CNTN4: variants seen among roughly 807,000 people sequenced by gnomAD.
The protein encoded by CNTN4 is contactin 4, also known as contactin-4.
CNTN4 carries 77 observed loss-of-function variants against 122.5 expected under a neutral mutation model. The observed-to-expected ratio is 0.63, with a 90% CI of 0.52 to 0.76. CNTN4 has a LOEUF of 0.76. Among genes scored for constraint, CNTN4 ranks in the 30% least tolerant of loss-of-function variants. CNTN4 has a pLI of 0.00. For synonymous variants in CNTN4, 512 were observed against 447.0 expected (o/e 1.15, Z -1.83); for missense variants, 1,256 against 1,259.1 (o/e 1.00, Z 0.04).
At chr3:2,674,077 C>T (rs2084692521) in intron 4 of CNTN4, among the ~76,000 whole-genome samples, 1 of 152,268 alleles carries the variant, frequency 6.6e-6, no homozygotes, top group African/African-American at 2.4e-5. Context: ...TAAGTGAGCC[C>T]AGATGAAAGA....
intron 2 of CNTN4, among the ~76,000 whole-genome samples, chr3:2,175,432 T>C (rs1008919915): frequency 6.6e-6 from 1 of 152,238 alleles, no homozygotes; most frequent in Non-Finnish European, 1.5e-5. Context: ...AGCACTTTGG[T>C]CCATTGTTAT....
chr3:2,818,424 A>G lies in CNTN4; in HGVS notation c.359-1062A>G, dbSNP rs1239236524. ...TAAAATACTTACCAAAATGGCCAGCATGGAGGAAATCATCCACAAATGTTA... is the reference window on the plus strand; with the variant it reads ...TAAAATACTTACCAAAATGGCCAGCGTGGAGGAAATCATCCACAAATGTTA... On this transcript the variant is annotated intron_variant, in intron 6 of 24. Transcript: ENST00000418658. Among the ~76,000 whole-genome samples the G allele has an allele frequency of 3.9e-5, 6 of 152,354 alleles. No individual in the cohort carries two copies. In the East Asian group the frequency reaches 9.6e-4, roughly 24 times the overall value.
chr3:2,227,711 A>G (rs939500899), intron 2 of CNTN4, among the ~76,000 whole-genome samples: 3 of 152,152 alleles, frequency 2.0e-5, no homozygotes, highest in Non-Finnish European at 4.4e-5. Context: ...AATTAACATT[A>G]TGTAACTGTA....
intron 2 of CNTN4, among the ~76,000 whole-genome samples, chr3:2,281,096 C>T (rs13066356): frequency 0.51 from 77,605 of 152,014 alleles, 20,259 homozygotes; most frequent in South Asian, 0.65. Context: ...CACAAGTCAT[C>T]CCTGGTCACA....
At chr3:2,129,878 A>C (rs1229391344) in intron 2 of CNTN4, among the ~76,000 whole-genome samples, 1 of 152,008 alleles carries the variant, frequency 6.6e-6, no homozygotes, top group Admixed American at 6.6e-5. Flanking sequence ...TGGCTTTGTT[A>C]ATGAATATTG....
intron 13 of CNTN4, among the ~76,000 whole-genome samples, chr3:2,949,720 T>C (rs344403): frequency 0.86 from 131,257 of 152,210 alleles, 57,077 homozygotes; most frequent in African/African-American, 0.97. Context: ...TGCTTTTTCT[T>C]CAGTTTGTGA....
At chr3:2,927,257 T>G (rs1332441958) in intron 13 of CNTN4, 3 of 453,948 alleles carry the variant, frequency 6.6e-6, no homozygotes, top group Non-Finnish European at 1.3e-5. Flanking sequence ...CCCTGAGTTC[T>G]GGCTTATAAC....
rs756869060 is a variant in CNTN4, at chr3:2,571,403, T to C, written c.-88-13T>C. The C allele has an allele frequency of 1.5e-5, 13 of 840,070 alleles. No individual in the cohort carries two copies. The highest frequency in any genetic ancestry group is 2.1e-5 in the Non-Finnish European group (10 of 482,882). The allele number at this position is 840,070 out of a possible 1,614,324, so 52.0% of individuals were successfully genotyped here. Reference sequence around the variant, plus strand: ...TTCCCAAATCTCATTGTAATGTCTCTTCTTTCCCACAGATTAAAGGTTATA... The same window carrying C: ...TTCCCAAATCTCATTGTAATGTCTCCTCTTTCCCACAGATTAAAGGTTATA... On this transcript the variant is annotated splice_polypyrimidine_tract_variant and intron_variant, in intron 3 of 24. Coordinates refer to ENST00000418658, the MANE Select transcript of CNTN4 (RefSeq NM_175607.3).
At position 2,229,102 on chromosome 3, in the gene CNTN4, T is replaced by C. The variant is rs192942062; in HGVS notation, c.-144-110076T>C. Among the ~76,000 whole-genome samples the C allele has an allele frequency of 9.1e-4, 138 of 152,320 alleles. 1 individual carries two copies. Among genetic ancestry groups the C allele is most frequent in the Non-Finnish European group, 2.8e-4 (19 of 68,002 alleles). ...TTTCTCTGGAATTCCTTGCCATTCA[T>C]TCATTTATTGTAGAAAAAATAAGTT... On this transcript the variant is annotated intron_variant, in intron 2 of 24. Transcript: ENST00000418658.
chr3:2,784,293 C>A (rs1286972060), intron 6 of CNTN4, among the ~76,000 whole-genome samples: 1 of 152,192 alleles, frequency 6.6e-6, no homozygotes, highest in African/African-American at 2.4e-5. Flanking sequence ...ACCGCCTATA[C>A]TGTTTTGAAA....
intron 3 of CNTN4, among the ~76,000 whole-genome samples, chr3:2,370,874 C>G (rs1316430661): frequency 6.6e-6 from 1 of 152,186 alleles, no homozygotes; most frequent in Non-Finnish European, 1.5e-5. Flanking sequence ...ATTAGGCATG[C>G]AGTTTTTAAG....
At chr3:2,396,500 T>G (rs62245707) in intron 3 of CNTN4, among the ~76,000 whole-genome samples, 2 of 151,980 alleles carry the variant, frequency 1.3e-5, no homozygotes, top group Admixed American at 1.3e-4. Flanking sequence ...CTCCCACATT[T>G]TGTACTTTGC....
intron 3 of CNTN4, among the ~76,000 whole-genome samples, chr3:2,398,960 A>G (rs2150949885): frequency 6.6e-6 from 1 of 152,258 alleles, no homozygotes; most frequent in South Asian, 2.1e-4. Flanking sequence ...TTAAGTTTTA[A>G]ATTGGCCAAA....
At chr3:2,870,234 A>G (rs1389283781) in intron 8 of CNTN4, among the ~76,000 whole-genome samples, 3 of 152,196 alleles carry the variant, frequency 2.0e-5, no homozygotes, top group Non-Finnish European at 4.4e-5. Flanking sequence ...TTTGTCTGGT[A>G]TATCTTCATA....
chr3:2,525,660 C>G (rs531318906), intron 3 of CNTN4, among the ~76,000 whole-genome samples: 1 of 152,158 alleles, frequency 6.6e-6, no homozygotes, highest in African/African-American at 2.4e-5. Flanking sequence ...TTAACAGATG[C>G]CAAGATTTTC....
intron 4 of CNTN4, among the ~76,000 whole-genome samples, chr3:2,586,550 C>G (rs2080213773): frequency 6.6e-6 from 1 of 152,156 alleles, no homozygotes; most frequent in East Asian, 1.9e-4. Context: ...CTCAGCCTCC[C>G]AAAGTGCTGG....
rs145307748 is a variant in CNTN4 at position 2,933,812 on chromosome 3, A to T, written c.1358+8033A>T. On this transcript the variant is annotated intron_variant, in intron 13 of 24. Transcript: ENST00000418658. ...TTCTGGAATAGAGACAGAGATACAG[A>T]CATCAGTAGATAAGAAGCCATGGAG... Among the ~76,000 whole-genome samples the T allele has an allele frequency of 4.8e-3, 734 of 152,292 alleles. 8 individuals are homozygous for T. The highest frequency in any genetic ancestry group is 0.016 in the African/African-American group (685 of 41,562).
chr3:2,959,415 G>T (rs189152042), intron 13 of CNTN4, among the ~76,000 whole-genome samples: 40 of 152,106 alleles, frequency 2.6e-4, no homozygotes, highest in African/African-American at 9.4e-4. Context: ...AGACCATAAA[G>T]TCTTTAAGTC....
intron 6 of CNTN4, among the ~76,000 whole-genome samples, chr3:2,776,283 T>C (rs1337496749): frequency 6.9e-6 from 1 of 144,582 alleles, no homozygotes. Flanking sequence ...TCTTTTTTTT[T>C]TTTTTTTTTT....
Sources: gnomAD v4.1 joint callset for allele counts (sites outside exome capture counted in the v4.1 genomes callset) on GRCh38, gnomAD v4.1.1 for gene constraint, MANE v1.5 for transcripts, NCBI Gene and HGNC (gene_info 2026-07-23, HGNC 2026-07-21) for gene names.